Variants in ERO1B observed in about 807,000 individuals in gnomAD.
ERO1B encodes the protein ERO1-like protein beta.
Under a neutral mutation model 75.3 loss-of-function variants are expected in ERO1B, and 49 were observed. The ratio of observed to expected loss-of-function variants is 0.65; its 90% CI spans 0.52 to 0.83. The LOEUF is 0.83. Among genes scored for constraint, ERO1B ranks in the 40% least tolerant of loss-of-function variants. The pLI is 0.00. For missense variants in ERO1B, 512 were observed against 560.1 expected (o/e 0.91, Z 0.87); for synonymous variants, 191 against 192.9 (o/e 0.99, Z 0.08).
Position 236,281,794 on chromosome 1 carries a change from A to G in ERO1B, c.-11T>C. ...GACCCCTTGGCTCATGCTGACCTCTACCCACACCGCGGCCAGCCGGACCCC... is the reference window on the plus strand; with the variant it reads ...GACCCCTTGGCTCATGCTGACCTCTGCCCACACCGCGGCCAGCCGGACCCC... On this transcript the variant is annotated 5_prime_UTR_variant, in exon 1 of 16. Coordinates refer to ENST00000354619, the MANE Select transcript of ERO1B (RefSeq NM_019891.4). The G allele has an allele frequency of 7.0e-7, 1 of 1,433,520 alleles. No individual in the cohort carries two copies. 88.8% of individuals were successfully genotyped at this position (1,433,520 alleles called of 1,614,324 possible). A position where few individuals can be genotyped will look rare whatever the true frequency, so the allele number is the denominator to read the frequency against.
intron 2 of ERO1B, among the ~76,000 whole-genome samples, chr1:236,255,344 CAG>C (rs1318629755): frequency 6.6e-6 from 1 of 152,136 alleles, no homozygotes; most frequent in African/African-American, 2.4e-5. Context: ...CACACCTAAG[CAG>C]AGAGACCATT....
chr1:236,228,423 G>C (rs1664326670), intron 10 of ERO1B, among the ~76,000 whole-genome samples: 1 of 152,172 alleles, frequency 6.6e-6, no homozygotes, highest in Admixed American at 6.5e-5. Flanking sequence ...CACACAGTCT[G>C]TGCCAGGCTG....
rs562966236 is a variant in ERO1B, at chr1:236,263,256, T to C, written c.222+6619A>G. ...AAAAACTTCAGTTTTGTTGTTGTTGTTGTTGTTTTTGAGATGAAGTCTTGC... is the reference window on the plus strand; with the variant it reads ...AAAAACTTCAGTTTTGTTGTTGTTGCTGTTGTTTTTGAGATGAAGTCTTGC... On this transcript the variant is annotated intron_variant, in intron 2 of 15. Coordinates refer to ENST00000354619, the MANE Select transcript of ERO1B (RefSeq NM_019891.4). 2.0e-4 allele frequency among the ~76,000 whole-genome samples: 30 copies of C among 152,120 alleles called. No individual in the cohort carries two copies. The South Asian group carries it at 5.4e-3, about 27-fold the overall frequency.
chr1:236,216,365 C>G lies in ERO1B; in HGVS notation c.*2151G>C, dbSNP rs143051410. 5.9e-5 allele frequency: 9 copies of G among 151,976 alleles called. No individual in the cohort carries two copies. The highest frequency in any genetic ancestry group is 1.2e-4 in the Non-Finnish European group (8 of 67,966). 9.4% of individuals were successfully genotyped at this position (151,976 alleles called of 1,614,324 possible). On this transcript the variant is annotated 3_prime_UTR_variant, in exon 16 of 16. Coordinates refer to ENST00000354619, the MANE Select transcript of ERO1B (RefSeq NM_019891.4). ...GGAAAAACAGTTTAGATCACAAGAACCATAAAATGTCACCAGGCTCACACA... is the reference window on the plus strand; with the variant it reads ...GGAAAAACAGTTTAGATCACAAGAAGCATAAAATGTCACCAGGCTCACACA...
At chr1:236,255,067 T>A (rs1170822419) in intron 2 of ERO1B, among the ~76,000 whole-genome samples, 3 of 151,702 alleles carry the variant, frequency 2.0e-5, no homozygotes, top group African/African-American at 4.8e-5. Flanking sequence ...GGACCACAGA[T>A]GTACCACCAC....
intron 15 of ERO1B, among the ~76,000 whole-genome samples, chr1:236,219,845 A>G (rs142636296): frequency 9.5e-4 from 144 of 151,956 alleles, no homozygotes; most frequent in African/African-American, 3.4e-3. Flanking sequence ...ACAAAGTGAG[A>G]CCCCCATCTC....
intron 9 of ERO1B, among the ~76,000 whole-genome samples, chr1:236,230,863 G>A (rs556618248): frequency 1.3e-5 from 2 of 151,886 alleles, no homozygotes; most frequent in African/African-American, 4.8e-5. Context: ...AGAAGGTTGA[G>A]GGGGAAGGAT....
rs867787223 is a variant in ERO1B, at chr1:236,281,744, C to T, written c.40G>A (p.Val14Ile). ...ACCAGCAGCTGCACCGCGGCCGCTA[C>T]CCCCTGCCCAGCGCCTGCCCGGCGG... ...GVRRAGAGQG[V>I]AAAVQLLVTL... The change falls in exon 1 of 16, where the codon GTA becomes ATA. Residue 14 changes from valine to isoleucine, a missense_variant. By Grantham distance (29) the Val-to-Ile change is conservative. Transcript: ENST00000354619. 1 of 1,516,590 alleles carries T rather than the reference C, an allele frequency of 6.6e-7. No homozygotes were observed. The highest frequency in any genetic ancestry group is 1.8e-4 in the Middle Eastern group (1 of 5,652). The allele number at this position is 1,516,590 out of a possible 1,614,324, so 93.9% of individuals were successfully genotyped here. A position where few individuals can be genotyped will look rare whatever the true frequency, so the allele number is the denominator to read the frequency against.
chr1:236,236,615 T>C (rs1365113606), intron 6 of ERO1B, among the ~76,000 whole-genome samples: 1 of 152,186 alleles, frequency 6.6e-6, no homozygotes, highest in Non-Finnish European at 1.5e-5. Flanking sequence ...AAAAAACAAC[T>C]CTTCCATTTC....
chr1:236,258,652 C>T (rs2463202), intron 2 of ERO1B, among the ~76,000 whole-genome samples: 37,633 of 151,912 alleles, frequency 0.25, 4,819 homozygotes, highest in East Asian at 0.38. Flanking sequence ...CTTGGGAGGC[C>T]GAAGCGGGTG....
intron 2 of ERO1B, 36 bp downstream of exon 2, chr1:236,269,839 C>T (rs370112190): frequency 6.5e-7 from 1 of 1,528,984 alleles, no homozygotes; most frequent in Non-Finnish European, 9.0e-7. Context: ...CATATAATAC[C>T]TTTGATATCA....
intron 5 of ERO1B, among the ~76,000 whole-genome samples, chr1:236,244,043 G>T (rs146955206): frequency 5.4e-4 from 82 of 152,148 alleles, no homozygotes; most frequent in African/African-American, 1.9e-3. Context: ...CAAAATCTAT[G>T]ATCAAGATTT....
intron 6 of ERO1B, among the ~76,000 whole-genome samples, chr1:236,242,674 GCA>G (rs1664741881): frequency 6.6e-6 from 1 of 151,706 alleles, no homozygotes; most frequent in Non-Finnish European, 1.5e-5. Flanking sequence ...TTCCAACTAT[GCA>G]CACTTAATCC....
rs1553373457 is a variant in ERO1B at position 236,258,162 on chromosome 1, A to AAAAC, written c.223-4658_223-4657insGTTT. 3.8e-3 allele frequency among the ~76,000 whole-genome samples: 514 copies of AAAAC among 136,356 alleles called. 14 individuals carry two copies. Among genetic ancestry groups the AAAAC allele is most frequent in the East Asian group, 5.8e-3 (26 of 4,512 alleles). The allele number at this position is 136,356 out of a possible 152,430, so 89.5% of individuals were successfully genotyped here. A position where few individuals can be genotyped will look rare whatever the true frequency, so the allele number is the denominator to read the frequency against. On this transcript the variant is annotated intron_variant, in intron 2 of 15. Coordinates refer to ENST00000354619, the MANE Select transcript of ERO1B (RefSeq NM_019891.4). ...AGAAAAACAAAGCAAAAAAAAAAAA[A>AAAAC]ACCCAGCCAGATCCAGGAAGTTCAA...
chr1:236,250,980 T>C (rs1665012235), intron 4 of ERO1B, among the ~76,000 whole-genome samples: 1 of 152,082 alleles, frequency 6.6e-6, no homozygotes, highest in Non-Finnish European at 1.5e-5. Flanking sequence ...AAAATGCTAG[T>C]GCATTACTGT....
intron 10 of ERO1B, among the ~76,000 whole-genome samples, chr1:236,229,905 A>G (rs1664359565): frequency 6.6e-6 from 1 of 152,216 alleles, no homozygotes; most frequent in Non-Finnish European, 1.5e-5. Context: ...CACTTTTAAA[A>G]TATTTTGCAT....
At chr1:236,266,374 C>A (rs1458373134) in intron 2 of ERO1B, among the ~76,000 whole-genome samples, 3 of 152,252 alleles carry the variant, frequency 2.0e-5, no homozygotes, top group South Asian at 2.1e-4. Flanking sequence ...GAGGCCAAGG[C>A]GGGTGGATCA....
intron 2 of ERO1B, among the ~76,000 whole-genome samples, chr1:236,267,308 TTC>T (rs1232958513): frequency 5.3e-5 from 8 of 152,156 alleles, no homozygotes; most frequent in East Asian, 1.9e-4. Context: ...TTAATAAAAC[TTC>T]TGTTTTGTTT....
intron 2 of ERO1B, among the ~76,000 whole-genome samples, chr1:236,258,116 A>T (rs1665203401): frequency 7.0e-6 from 1 of 143,042 alleles, no homozygotes; most frequent in Non-Finnish European, 1.5e-5. Flanking sequence ...ACAGAAAGAG[A>T]GAGAGAGAGA....
Sources: allele counts gnomAD v4.1 joint callset (sites outside exome capture counted in the v4.1 genomes callset), GRCh38; gene constraint gnomAD v4.1.1; transcripts MANE v1.5; gene names NCBI Gene and HGNC (gene_info 2026-07-23, HGNC 2026-07-21).